Variants in CYTH3 observed in about 807,000 individuals in gnomAD.
CYTH3 encodes the protein cytohesin 3.
CYTH3 carries 23 observed loss-of-function variants against 55.1 expected under a neutral mutation model. The ratio of observed to expected loss-of-function variants is 0.42; its 90% CI spans 0.30 to 0.59. The LOEUF is 0.59. Ranked by LOEUF, CYTH3 falls within the 20% of genes least tolerant of loss-of-function variation. CYTH3 has a pLI of 0.20. For missense variants in CYTH3, 413 were observed against 524.8 expected (o/e 0.79, Z 2.08); for synonymous variants, 249 against 194.9 (o/e 1.28, Z -2.31).
chr7:6,231,045 A>C (rs1383992396), intron 1 of CYTH3, among the ~76,000 whole-genome samples: 1 of 152,134 alleles, frequency 6.6e-6, no homozygotes, highest in Non-Finnish European at 1.5e-5. Flanking sequence ...CGGCTCCCTG[A>C]GTTACCCAGG....
intron 1 of CYTH3, among the ~76,000 whole-genome samples, chr7:6,251,838 C>T (rs893052318): frequency 1.1e-4 from 16 of 152,192 alleles, no homozygotes; most frequent in African/African-American, 3.9e-4. Context: ...TCTTCACAGG[C>T]ACCATTGGTA....
At chr7:6,206,361 T>C (rs1784188274) in intron 1 of CYTH3, among the ~76,000 whole-genome samples, 1 of 152,216 alleles carries the variant, frequency 6.6e-6, no homozygotes, top group Admixed American at 6.5e-5. Flanking sequence ...AGACCACATA[T>C]TGTGATTCCA....
chr7:6,256,685 C>G (rs370747792), intron 1 of CYTH3, among the ~76,000 whole-genome samples: 1 of 152,052 alleles, frequency 6.6e-6, no homozygotes, highest in East Asian at 1.9e-4. Context: ...GCAGCAGAAC[C>G]CAGGGGAAAT....
rs1237247163 is a variant in CYTH3 at position 6,190,633 on chromosome 7, G to C, written c.35-102C>G. 32 of 869,970 alleles carry C rather than the reference G, an allele frequency of 3.7e-5. No homozygotes were observed. The South Asian group carries it at 5.3e-4, about 14-fold the overall frequency. The allele number at this position is 869,970 out of a possible 1,614,324, so 53.9% of individuals were successfully genotyped here. On this transcript the variant is annotated intron_variant, in intron 1 of 12. Transcript: ENST00000350796. Reference sequence around the variant, plus strand: ...CTGCCACCCAGCAATTCCATACGCAGGTATTTATCCTAAAGAAATGCTCCC... The same window carrying C: ...CTGCCACCCAGCAATTCCATACGCACGTATTTATCCTAAAGAAATGCTCCC...
At chr7:6,254,199 A>G (rs1337288890) in intron 1 of CYTH3, among the ~76,000 whole-genome samples, 1 of 152,046 alleles carries the variant, frequency 6.6e-6, no homozygotes, top group Non-Finnish European at 1.5e-5. Flanking sequence ...CAAACAAACA[A>G]CAACAAAAAT....
intron 1 of CYTH3, among the ~76,000 whole-genome samples, chr7:6,196,275 G>C (rs1321952547): frequency 6.6e-6 from 1 of 152,004 alleles, no homozygotes; most frequent in Non-Finnish European, 1.5e-5. Flanking sequence ...CAAAGAAATC[G>C]AGATCAAGAG....
At position 6,170,517 on chromosome 7, in the gene CYTH3, G is replaced by A. The variant is rs371010477; in HGVS notation, c.823+18C>T. 1.1e-5 allele frequency: 17 copies of A among 1,611,314 alleles called. No individual in the cohort carries two copies. In the South Asian group the frequency reaches 1.4e-4, roughly 14 times the overall value. The stretch of plus-strand genomic sequence containing the variant: ...GGCAGAGGGGTCACGCCCGGGTCCC[G>A]CTGGGCCGGCGGCTCACCCAGCTTC... On this transcript the variant is annotated intron_variant, in intron 9 of 12. Transcript: ENST00000350796. This position sits in a 1 kb window ranked among gnomAD's most constrained non-coding sequence, Gnocchi z 7.8.
At chr7:6,202,393 A>T (rs934893406) in intron 1 of CYTH3, among the ~76,000 whole-genome samples, 9 of 152,034 alleles carry the variant, frequency 5.9e-5, no homozygotes, top group Admixed American at 5.9e-4. Context: ...AACCCAGACA[A>T]GAGCAGCACG....
chr7:6,239,820 T>A (rs1185298856), intron 1 of CYTH3, among the ~76,000 whole-genome samples: 1 of 152,066 alleles, frequency 6.6e-6, no homozygotes, highest in African/African-American at 2.4e-5. Flanking sequence ...GCATAAAACA[T>A]ATGTAAGTAG....
intron 1 of CYTH3, among the ~76,000 whole-genome samples, chr7:6,200,313 T>C (rs1283383979): frequency 1.3e-5 from 2 of 152,204 alleles, no homozygotes; most frequent in African/African-American, 2.4e-5. Context: ...TATGCAAACA[T>C]ATGAGATCTT....
At chr7:6,259,824 ATATATATATTT>A (rs1350662809) in intron 1 of CYTH3, among the ~76,000 whole-genome samples, 326 of 24,192 alleles carry the variant, frequency 0.013, 18 homozygotes, top group East Asian at 0.047. Context: ...ATATATATAT[ATATATATATTT>A]TTTTTTTTTT....
At chr7:6,189,273 A>C (rs1211487265) in intron 2 of CYTH3, among the ~76,000 whole-genome samples, 1 of 152,100 alleles carries the variant, frequency 6.6e-6, no homozygotes, top group African/African-American at 2.4e-5. Context: ...CAAGTGTGGA[A>C]GAGCCCATGT....
intron 1 of CYTH3, among the ~76,000 whole-genome samples, chr7:6,207,379 C>T (rs1233312018): frequency 1.3e-5 from 2 of 152,106 alleles, no homozygotes; most frequent in African/African-American, 4.8e-5. Context: ...CAGGCGTGAG[C>T]TGCCACGCCC....
chr7:6,201,670 G>C (rs543867344), intron 1 of CYTH3, among the ~76,000 whole-genome samples: 72 of 152,306 alleles, frequency 4.7e-4, no homozygotes, highest in Non-Finnish European at 9.3e-4. Flanking sequence ...ATCTCATAGA[G>C]TAAGAACAGA....
chr7:6,255,088 C>A (rs574655819), intron 1 of CYTH3, among the ~76,000 whole-genome samples: 4 of 152,166 alleles, frequency 2.6e-5, no homozygotes, highest in Non-Finnish European at 4.4e-5. Flanking sequence ...CTATTACAAT[C>A]GTCGAGATTT....
chr7:6,226,993 C>T (rs938199720), intron 1 of CYTH3, among the ~76,000 whole-genome samples: 5 of 150,928 alleles, frequency 3.3e-5, no homozygotes, highest in African/African-American at 7.3e-5. Flanking sequence ...GGCAGAAGAA[C>T]GGTGTGAACC....
chr7:6,197,863 CAGA>C (rs1268744586), intron 1 of CYTH3, among the ~76,000 whole-genome samples: 3 of 152,018 alleles, frequency 2.0e-5, no homozygotes, highest in African/African-American at 7.2e-5. Flanking sequence ...AAGCCAAAGC[CAGA>C]AGATTGCTTG....
chr7:6,228,526 GC>G (rs1165376143), intron 1 of CYTH3, among the ~76,000 whole-genome samples: 2 of 152,160 alleles, frequency 1.3e-5, no homozygotes, highest in African/African-American at 4.8e-5. Context: ...AGAGATCCAG[GC>G]TGGAAGCAAA....
intron 1 of CYTH3, among the ~76,000 whole-genome samples, chr7:6,229,513 T>C (rs955060245): frequency 2.0e-5 from 3 of 151,914 alleles, no homozygotes; most frequent in Admixed American, 1.3e-4. Context: ...GTAGGGCTCA[T>C]AGAACATATC....
Sources: gnomAD v4.1 joint callset for allele counts (sites outside exome capture counted in the v4.1 genomes callset) on GRCh38, gnomAD v4.1.1 for gene constraint, Gnocchi (gnomAD v3.1) non-coding constraint, MANE v1.5 for transcripts, NCBI Gene and HGNC (gene_info 2026-07-23, HGNC 2026-07-21) for gene names.